The following DYNC2H1 variants were observed in gnomAD, a reference collection of about 807,000 sequenced individuals.
DYNC2H1 encodes the protein cytoplasmic dynein 2 heavy chain 1.
DYNC2H1 carries 410 observed loss-of-function variants against 570.0 expected under a neutral mutation model. That is an observed-to-expected ratio of 0.72 (90% CI 0.66 to 0.78). The LOEUF (loss-of-function observed/expected upper bound fraction) is 0.78, where lower values mean the gene tolerates loss of function less well. DYNC2H1 is among the 30% of genes least tolerant of loss of function. DYNC2H1 has a pLI of 0.00. For missense variants in DYNC2H1, 4,865 were observed against 5,046.4 expected (o/e 0.96, Z 1.09); for synonymous variants, 1,688 against 1,677.6 (o/e 1.01, Z -0.15).
intron 17 of DYNC2H1, among the ~76,000 whole-genome samples, chr11:103,137,226 TTG>T (rs1565331025): frequency 2.0e-5 from 3 of 149,068 alleles, no homozygotes; most frequent in African/African-American, 7.4e-5. Flanking sequence ...AGCTCTTTAG[TTG>T]AATTAGATCC....
rs1210202863 is a variant in DYNC2H1 at position 103,461,851 on chromosome 11, TTC to T, written c.12648+5499_12648+5500del. ...TAAGATTTAGAAACATTCCACCTTT[TTC>T]TCTTTTTTCTTGCTAAAACACATTT... On this transcript the variant is annotated intron_variant, in intron 87 of 88. Coordinates refer to ENST00000375735, the MANE Select transcript of DYNC2H1 (RefSeq NM_001377.3). This position sits in a 1 kb window ranked among gnomAD's most constrained non-coding sequence, Gnocchi z 4.8. Among the ~76,000 whole-genome samples, 2 of 152,148 alleles carry T rather than the reference TTC, an allele frequency of 1.3e-5. No homozygotes were observed. The highest frequency in any genetic ancestry group is 2.9e-5 in the Non-Finnish European group (2 of 68,016).
At chr11:103,467,511 GT>G (rs1199504158) in intron 87 of DYNC2H1, among the ~76,000 whole-genome samples, 6 of 460 alleles carry the variant, frequency 0.013, no homozygotes, top group Admixed American at 0.062. Flanking sequence ...TGAAGGCACT[GT>G]TTTGTTTTGT....
rs770236691 is a variant in DYNC2H1 at position 103,334,718 on chromosome 11, A to G, written c.12039+10728A>G. Reference sequence around the variant, plus strand: ...ATTTAAATTTGAAAATGTTCTGGTAAGCAAATTTCTTAATAATTAAAGTAG... The same window carrying G: ...ATTTAAATTTGAAAATGTTCTGGTAGGCAAATTTCTTAATAATTAAAGTAG... On this transcript the variant is annotated intron_variant, in intron 82 of 88. Coordinates refer to ENST00000375735, the MANE Select transcript of DYNC2H1 (RefSeq NM_001377.3). This position sits in a 1 kb window ranked among gnomAD's most constrained non-coding sequence, Gnocchi z 4.3. Among the ~76,000 whole-genome samples the G allele has an allele frequency of 2.4e-4, 36 of 152,132 alleles. No homozygotes were observed. The highest frequency in any genetic ancestry group is 4.1e-4 in the Non-Finnish European group (28 of 67,968).
rs752912961 is a variant in DYNC2H1, at chr11:103,158,663, T to C, written c.4128-14T>C. 5.5e-5 allele frequency: 83 copies of C among 1,516,540 alleles called. No homozygotes were observed. The Middle Eastern group carries it at 6.6e-4, about 12-fold the overall frequency. 93.9% of individuals were successfully genotyped at this position (1,516,540 alleles called of 1,614,324 possible). On this transcript the variant is annotated splice_polypyrimidine_tract_variant and intron_variant, in intron 26 of 88. Transcript: ENST00000375735. Reference sequence around the variant, plus strand: ...GTTAAAGTAGATGTGAAGATACTTTTTTTTCTTTTGTAGATCAATAATGAC... The same window carrying C: ...GTTAAAGTAGATGTGAAGATACTTTCTTTTCTTTTGTAGATCAATAATGAC...
chr11:103,408,469 G>T (rs1942956330), intron 84 of DYNC2H1: 1 of 152,044 alleles, frequency 6.6e-6, no homozygotes, highest in Admixed American at 6.6e-5. Context: ...GGTTGGATGT[G>T]TGATGATTTG....
rs1938339918 is a variant in DYNC2H1, at chr11:103,323,948, T to G, written c.11997T>G (p.Pro3999=). 1 of 1,613,046 alleles carries G rather than the reference T, an allele frequency of 6.2e-7. No individual in the cohort carries two copies. The highest frequency in any genetic ancestry group is 8.5e-7 in the Non-Finnish European group (1 of 1,179,328). ...ACAAACCTAGTTTCTTTGGTCTGCC[T>G]GCCAATATCGCTCGCTCATCTCAGC... ...EDDKPSFFGL[P]ANIARSSQRM... is the part of the protein sequence containing the mutation. The change falls in exon 82 of 89, where the codon CCT becomes CCG. Residue 3999 remains proline, a synonymous_variant. Transcript: ENST00000375735.
chr11:103,224,165 C>G (rs1479654203), intron 59 of DYNC2H1, among the ~76,000 whole-genome samples: 1 of 151,962 alleles, frequency 6.6e-6, no homozygotes, highest in Non-Finnish European at 1.5e-5. Flanking sequence ...ACTATTAGAG[C>G]TGTGGTTCTA....
intron 47 of DYNC2H1, among the ~76,000 whole-genome samples, 166 bp downstream of exon 47, chr11:103,192,430 A>G (rs1370505733): frequency 6.6e-6 from 1 of 152,168 alleles, no homozygotes; most frequent in Non-Finnish European, 1.5e-5. Context: ...GATTTCAGTA[A>G]TCATGTTTCA....
chr11:103,256,280 T>G lies in DYNC2H1; in HGVS notation c.10461+40T>G. 6.5e-7 allele frequency: 1 copy of G among 1,546,578 alleles called. No individual in the cohort carries two copies. The highest frequency in any genetic ancestry group is 8.7e-7 in the Non-Finnish European group (1 of 1,142,866). ...CTTTGTAATTTCGTATTATGTTTTC[T>G]TGAACATTTAGGTTAATATGATAGA... On this transcript the variant is annotated intron_variant, in intron 68 of 88. Coordinates refer to ENST00000375735, the MANE Select transcript of DYNC2H1 (RefSeq NM_001377.3). The surrounding 1 kb of genome is among the most constrained non-coding windows in gnomAD (Gnocchi z 4.0).
intron 15 of DYNC2H1, 138 bp from the exon 16 acceptor site, chr11:103,135,351 AGGATGT>A: frequency 1.6e-6 from 1 of 626,280 alleles, no homozygotes; most frequent in Non-Finnish European, 2.4e-6. Context: ...GAGAGTAACA[AGGATGT>A]ACCAGTTTTA....
intron 80 of DYNC2H1, among the ~76,000 whole-genome samples, chr11:103,317,503 A>T (rs962500148): frequency 6.6e-6 from 1 of 152,080 alleles, no homozygotes; most frequent in Non-Finnish European, 1.5e-5. Flanking sequence ...GTCTTCTTCC[A>T]CTTTAGCACC....
intron 83 of DYNC2H1, among the ~76,000 whole-genome samples, chr11:103,393,931 G>A (rs183675105): frequency 7.0e-4 from 106 of 152,202 alleles, no homozygotes; most frequent in African/African-American, 2.5e-3. Flanking sequence ...TCACTATCAC[G>A]AGTACAGCAT....
intron 75 of DYNC2H1, among the ~76,000 whole-genome samples, chr11:103,290,466 C>A (rs1866548605): frequency 6.6e-6 from 1 of 152,136 alleles, no homozygotes; most frequent in Non-Finnish European, 1.5e-5. Flanking sequence ...GAGTAATTAT[C>A]CACCTTTCTT....
intron 54 of DYNC2H1, 40 bp downstream of exon 54, chr11:103,211,983 A>C: frequency 6.9e-7 from 1 of 1,440,806 alleles, no homozygotes; most frequent in Non-Finnish European, 9.2e-7. Context: ...ATCTATATAT[A>C]GGAAACAAGA....
chr11:103,381,296 C>T (rs1322438506), intron 83 of DYNC2H1, among the ~76,000 whole-genome samples: 1 of 152,102 alleles, frequency 6.6e-6, no homozygotes, highest in Non-Finnish European at 1.5e-5. Flanking sequence ...TAGATGTGAT[C>T]ACAGTTTTTG....
At position 103,181,587 on chromosome 11, in the gene DYNC2H1, A is replaced by T. The variant is rs1046434217; in HGVS notation, c.6348-170A>T. On this transcript the variant is annotated intron_variant, in intron 39 of 88. Coordinates refer to ENST00000375735, the MANE Select transcript of DYNC2H1 (RefSeq NM_001377.3). The surrounding 1 kb of genome is among the most constrained non-coding windows in gnomAD (Gnocchi z 5.0). ...TATGTGTATGTATACACACACACAGATGTAATTGTATTATTCACACATACT... is the reference window on the plus strand; with the variant it reads ...TATGTGTATGTATACACACACACAGTTGTAATTGTATTATTCACACATACT... Among the ~76,000 whole-genome samples the T allele has an allele frequency of 1.3e-5, 2 of 151,742 alleles. No individual in the cohort carries two copies. Among genetic ancestry groups the T allele is most frequent in the Non-Finnish European group, 3.0e-5 (2 of 67,738 alleles).
In DYNC2H1 at chr11:103,299,887, C is replaced by G. The variant is rs915787689; in HGVS notation, c.11096-3206C>G. Among the ~76,000 whole-genome samples, 4 of 152,034 alleles carry G rather than the reference C, an allele frequency of 2.6e-5. No homozygotes were observed. The South Asian group carries it at 6.2e-4, about 24-fold the overall frequency. On this transcript the variant is annotated intron_variant, in intron 75 of 88. Coordinates refer to ENST00000375735, the MANE Select transcript of DYNC2H1 (RefSeq NM_001377.3). The surrounding 1 kb of genome is among the most constrained non-coding windows in gnomAD (Gnocchi z 4.5). ...ATATATTTGACATTTTTACTTGTTT[C>G]TAGGGTTCAGTACTATTCCATTTCT...
Position 103,299,511 on chromosome 11 carries a change from TTC to T in DYNC2H1, c.11096-3580_11096-3579del, listed in dbSNP as rs1866963298. 6.6e-6 allele frequency among the ~76,000 whole-genome samples: 1 copy of T among 152,120 alleles called. No homozygotes were observed. Among genetic ancestry groups the T allele is most frequent in the Non-Finnish European group, 1.5e-5 (1 of 68,002 alleles). ...TTTAGGAGTGAGGTCCCCATTTTCT[TTC>T]TGTCTTTTGGTGTCATTCTCAGCTT... On this transcript the variant is annotated intron_variant, in intron 75 of 88. Transcript: ENST00000375735. This position sits in a 1 kb window ranked among gnomAD's most constrained non-coding sequence, Gnocchi z 4.5.
intron 84 of DYNC2H1, among the ~76,000 whole-genome samples, chr11:103,430,101 A>C (rs1366771484): frequency 6.6e-6 from 1 of 152,144 alleles, no homozygotes; most frequent in Non-Finnish European, 1.5e-5. Flanking sequence ...TGGGATAGTG[A>C]TATTTGTTAG....
Sources: allele counts gnomAD v4.1 joint callset (sites outside exome capture counted in the v4.1 genomes callset), GRCh38; gene constraint gnomAD v4.1.1; non-coding constraint Gnocchi (gnomAD v3.1); transcripts MANE v1.5; gene names NCBI Gene and HGNC (gene_info 2026-07-23, HGNC 2026-07-21).